Variants in TBC1D19 observed in about 807,000 individuals in gnomAD.
TBC1D19 encodes TBC1 domain family member 19.
Under a neutral mutation model 89.0 loss-of-function variants are expected in TBC1D19, and 60 were observed. The observed-to-expected ratio is 0.67, with a 90% CI of 0.55 to 0.84. The LOEUF (loss-of-function observed/expected upper bound fraction) is 0.84, where lower values mean the gene tolerates loss of function less well. Among genes scored for constraint, TBC1D19 ranks in the 40% least tolerant of loss-of-function variants. The probability of loss-of-function intolerance (pLI) is 0.00; values close to 1 mark genes in which losing one functional copy is unlikely to be tolerated. For synonymous variants in TBC1D19, 189 were observed against 199.7 expected (o/e 0.95, Z 0.45); for missense variants, 500 against 610.8 (o/e 0.82, Z 1.91).
At chr4:26,593,913 A>G (rs1577763021) in intron 1 of TBC1D19, among the ~76,000 whole-genome samples, 2 of 152,222 alleles carry the variant, frequency 1.3e-5, no homozygotes. Context: ...TAGTTCAACC[A>G]TTGTGGAAGT....
chr4:26,810,839 A>G, the TBC1D19 span, among the ~76,000 whole-genome samples: 2 of 152,326 alleles, frequency 1.3e-5, no homozygotes, highest in African/African-American at 4.8e-5. Flanking sequence ...TCCCAAGCCT[A>G]GCACCATACT....
intron 1 of TBC1D19, among the ~76,000 whole-genome samples, chr4:26,603,243 TATTAA>T (rs1740751719): frequency 6.6e-6 from 1 of 152,280 alleles, no homozygotes; most frequent in Admixed American, 6.5e-5. Flanking sequence ...TTGGTGGTGA[TATTAA>T]TGAACATTAC....
At chr4:26,831,818 C>T in the TBC1D19 span, among the ~76,000 whole-genome samples, 7 of 152,038 alleles carry the variant, frequency 4.6e-5, no homozygotes, top group African/African-American at 1.7e-4. Context: ...GTCTCAATCT[C>T]CTGACCTCGT....
intron 12 of TBC1D19, among the ~76,000 whole-genome samples, chr4:26,685,116 G>A (rs1418992772): frequency 6.6e-6 from 1 of 152,126 alleles, no homozygotes; most frequent in Admixed American, 6.5e-5. Context: ...AGGCTACTCT[G>A]GTAGGAGCTA....
rs1184884034 is a variant in TBC1D19 at position 26,754,996 on chromosome 4, A to G, written c.*49A>G. The stretch of plus-strand genomic sequence containing the variant: ...ACATCTAGTTTTTCATTAGAAACAA[A>G]TCATGAACTATGCAAACTCTGCATA... On this transcript the variant is annotated 3_prime_UTR_variant, in exon 21 of 21. Transcript: ENST00000264866. The G allele has an allele frequency of 1.3e-6, 2 of 1,531,134 alleles. No individual in the cohort carries two copies. The highest frequency in any genetic ancestry group is 1.2e-5 in the South Asian group (1 of 83,798). 94.8% of individuals were successfully genotyped at this position (1,531,134 alleles called of 1,614,324 possible).
chr4:26,645,765 G>T (rs564782789), intron 7 of TBC1D19, among the ~76,000 whole-genome samples: 3 of 152,168 alleles, frequency 2.0e-5, no homozygotes, highest in Non-Finnish European at 4.4e-5. Flanking sequence ...ATGTGACATA[G>T]GGTTAATATC....
intron 1 of TBC1D19, among the ~76,000 whole-genome samples, chr4:26,599,905 G>A (rs1214154251): frequency 1.6e-5 from 2 of 126,614 alleles, no homozygotes; most frequent in Admixed American, 1.0e-4. Context: ...CTGAGATCGC[G>A]CCACTGCACT....
At chr4:26,747,625 GA>G (rs1718722389) in intron 18 of TBC1D19, among the ~76,000 whole-genome samples, 1 of 152,144 alleles carries the variant, frequency 6.6e-6, no homozygotes, top group Admixed American at 6.5e-5. Flanking sequence ...ACCTGTCAGG[GA>G]CAGTCAAGTG....
the TBC1D19 span, among the ~76,000 whole-genome samples, chr4:26,808,969 A>G: frequency 6.6e-6 from 1 of 152,190 alleles, no homozygotes; most frequent in Non-Finnish European, 1.5e-5. Flanking sequence ...CTTGGCTCAA[A>G]CAGAGGGTGG....
At chr4:26,590,008 G>A (rs999165098) in intron 1 of TBC1D19, among the ~76,000 whole-genome samples, 7 of 152,208 alleles carry the variant, frequency 4.6e-5, no homozygotes, top group Non-Finnish European at 8.8e-5. Flanking sequence ...GCAAATGTGT[G>A]TGAATTCCCC....
At chr4:26,722,484 C>T (rs1439384745) in intron 15 of TBC1D19, among the ~76,000 whole-genome samples, 1 of 151,948 alleles carries the variant, frequency 6.6e-6, no homozygotes, top group Non-Finnish European at 1.5e-5. Context: ...GAAAAAATAG[C>T]AACAACAGTG....
intron 1 of TBC1D19, among the ~76,000 whole-genome samples, chr4:26,601,088 GT>G (rs1307766658): frequency 6.6e-6 from 1 of 151,534 alleles, no homozygotes; most frequent in East Asian, 1.9e-4. Flanking sequence ...TATCACTTCT[GT>G]TTTAGCTTTT....
At chr4:26,594,192 GAC>G (rs1434784187) in intron 1 of TBC1D19, among the ~76,000 whole-genome samples, 7 of 152,140 alleles carry the variant, frequency 4.6e-5, no homozygotes, top group Non-Finnish European at 7.3e-5. Context: ...CCTTTGTAGG[GAC>G]ATGGATGAAG....
chr4:26,764,968 A>G, the TBC1D19 span, among the ~76,000 whole-genome samples: 1 of 152,188 alleles, frequency 6.6e-6, no homozygotes. Context: ...GTAGAAGAAA[A>G]TATCATTGAA....
intron 9 of TBC1D19, among the ~76,000 whole-genome samples, chr4:26,671,032 A>G (rs1712256519): frequency 6.6e-6 from 1 of 151,300 alleles, no homozygotes; most frequent in South Asian, 2.1e-4. Flanking sequence ...CTTGGTGCAC[A>G]TATGTATGCA....
chr4:26,703,915 C>T (rs1240628994), intron 13 of TBC1D19, among the ~76,000 whole-genome samples: 2 of 134,908 alleles, frequency 1.5e-5, no homozygotes, highest in East Asian at 2.2e-4. Flanking sequence ...GAGCCAAGAT[C>T]GTGCCACTGC....
chr4:26,656,248 A>C (rs1052574912), intron 7 of TBC1D19, among the ~76,000 whole-genome samples: 1 of 152,150 alleles, frequency 6.6e-6, no homozygotes, highest in African/African-American at 2.4e-5. Context: ...ACACAATGTT[A>C]TTGCACAGCA....
At chr4:26,596,455 C>CGTGTGTGTGTGTGTGT (rs35226421) in intron 1 of TBC1D19, among the ~76,000 whole-genome samples, 1 of 145,006 alleles carries the variant, frequency 6.9e-6, no homozygotes, top group African/African-American at 2.5e-5. Context: ...AATGGTAACT[C>CGTGTGTGTGTGTGTGT]GTGTGTGTGT....
intron 1 of TBC1D19, among the ~76,000 whole-genome samples, chr4:26,594,858 A>G (rs1413387111): frequency 6.6e-6 from 1 of 152,238 alleles, no homozygotes; most frequent in Admixed American, 6.5e-5. Context: ...CGAAAGAGTG[A>G]GACTCCGTCT....
Sources: gnomAD v4.1 joint callset for allele counts (sites outside exome capture counted in the v4.1 genomes callset) on GRCh38, gnomAD v4.1.1 for gene constraint, MANE v1.5 for transcripts, NCBI Gene and HGNC (gene_info 2026-07-23, HGNC 2026-07-21) for gene names.